The following SERPINI1 variants were observed in gnomAD, a reference collection of about 807,000 sequenced individuals.
SERPINI1 encodes the protein neuroserpin.
Under a neutral mutation model 41.1 loss-of-function variants are expected in SERPINI1, and 19 were observed. The observed-to-expected ratio is 0.46, with a 90% confidence interval of 0.32 to 0.68. The LOEUF is 0.68. Ranked by LOEUF, SERPINI1 falls within the 30% of genes least tolerant of loss-of-function variation. The probability of loss-of-function intolerance (pLI) is 0.03; values close to 1 mark genes in which losing one functional copy is unlikely to be tolerated. For synonymous variants in SERPINI1, 138 were observed against 156.6 expected (o/e 0.88, Z 0.89); for missense variants, 460 against 479.2 (o/e 0.96, Z 0.37).
chr3:167,823,704 A>C (rs897476143), intron 7 of SERPINI1, among the ~76,000 whole-genome samples: 5 of 152,150 alleles, frequency 3.3e-5, no homozygotes, highest in African/African-American at 1.2e-4. Context: ...TCTTCATTCT[A>C]TTTAACTGTA....
chr3:167,789,624 C>A (rs892835294), intron 2 of SERPINI1, among the ~76,000 whole-genome samples: 5 of 151,842 alleles, frequency 3.3e-5, no homozygotes, highest in Non-Finnish European at 5.9e-5. Context: ...TCCTTGTGAT[C>A]AAAAAAAGCA....
Position 167,765,283 on chromosome 3 carries a change from A to C in SERPINI1, c.-18-23828A>C, listed in dbSNP as rs1413300103. Among the ~76,000 whole-genome samples, 5 of 152,222 alleles carry C rather than the reference A, an allele frequency of 3.3e-5. No homozygotes were observed. In the East Asian group the frequency reaches 9.6e-4, roughly 29 times the overall value. ...CCTGGGCAATCAGGCGTTTGCATAC[A>C]TCTTCTGAAATCTAGGTGGAGGTTC... is the stretch of plus-strand genomic sequence containing the variant. On this transcript the variant is annotated intron_variant, in intron 1 of 8. Coordinates refer to ENST00000446050, the MANE Select transcript of SERPINI1 (RefSeq NM_001122752.2).
chr3:167,822,627 A>G (rs1052726199), intron 6 of SERPINI1, among the ~76,000 whole-genome samples: 15 of 152,044 alleles, frequency 9.9e-5, no homozygotes, highest in Non-Finnish European at 2.2e-4. Flanking sequence ...ACTTGTTTTC[A>G]TTTCATACTT....
chr3:167,797,493 C>G (rs1727752898), intron 5 of SERPINI1, among the ~76,000 whole-genome samples: 1 of 152,002 alleles, frequency 6.6e-6, no homozygotes, highest in African/African-American at 2.4e-5. Context: ...ACATTTAAGT[C>G]TTTAATCCAT....
chr3:167,744,677 AATAT>A (rs1233744630), intron 1 of SERPINI1, among the ~76,000 whole-genome samples: 7 of 100,354 alleles, frequency 7.0e-5, no homozygotes, highest in African/African-American at 1.1e-4. Context: ...TATATATATA[AATAT>A]ATATATAAAC....
chr3:167,736,036 G>A (rs1316794653), intron 1 of SERPINI1: 1 of 152,178 alleles, frequency 6.6e-6, no homozygotes, highest in African/African-American at 2.4e-5. Flanking sequence ...TAGTGTTTTT[G>A]GTTTGAGTTG....
intron 1 of SERPINI1, among the ~76,000 whole-genome samples, chr3:167,745,564 G>A (rs1725838362): frequency 6.6e-6 from 1 of 151,960 alleles, no homozygotes; most frequent in South Asian, 2.1e-4. Context: ...GAAGGTTCTA[G>A]CCAGGGAAAT....
chr3:167,795,303 C>T (rs1233618818), intron 5 of SERPINI1, among the ~76,000 whole-genome samples: 1 of 152,160 alleles, frequency 6.6e-6, no homozygotes, highest in Non-Finnish European at 1.5e-5. Flanking sequence ...CATAAATTAG[C>T]AGGAAGATGC....
intron 6 of SERPINI1, among the ~76,000 whole-genome samples, chr3:167,810,112 TA>T (rs1407878617): frequency 6.6e-6 from 1 of 152,162 alleles, no homozygotes; most frequent in Non-Finnish European, 1.5e-5. Flanking sequence ...GTTTTAATTA[TA>T]AAACTTGCCC....
At chr3:167,789,939 G>A (rs1182434661) in intron 2 of SERPINI1, among the ~76,000 whole-genome samples, 1 of 152,076 alleles carries the variant, frequency 6.6e-6, no homozygotes, top group Non-Finnish European at 1.5e-5. Flanking sequence ...GTGTGAATTA[G>A]CTCATTAAAA....
chr3:167,748,563 T>G (rs943589028), intron 1 of SERPINI1, among the ~76,000 whole-genome samples: 4 of 152,064 alleles, frequency 2.6e-5, no homozygotes, highest in African/African-American at 9.7e-5. Flanking sequence ...CATGCAACAT[T>G]AAAAATAAGG....
chr3:167,802,189 G>A (rs1332222569), intron 5 of SERPINI1, among the ~76,000 whole-genome samples: 3 of 152,032 alleles, frequency 2.0e-5, no homozygotes, highest in Non-Finnish European at 4.4e-5. Context: ...GAAAACCTAG[G>A]CATTACCATT....
At chr3:167,808,246 C>T (rs1256006188) in intron 6 of SERPINI1, among the ~76,000 whole-genome samples, 2 of 150,600 alleles carry the variant, frequency 1.3e-5, no homozygotes, top group East Asian at 1.9e-4. Flanking sequence ...AGAAAAAAAT[C>T]CAATTGAATT....
At chr3:167,785,183 G>A (rs1380095669) in intron 1 of SERPINI1, among the ~76,000 whole-genome samples, 2 of 152,146 alleles carry the variant, frequency 1.3e-5, no homozygotes, top group South Asian at 2.1e-4. Context: ...GGTGGAGGTT[G>A]CAGTGAGCTG....
At chr3:167,793,596 A>ATATATATAT in intron 4 of SERPINI1, among the ~76,000 whole-genome samples, 35 of 140,606 alleles carry the variant, frequency 2.5e-4, no homozygotes, top group South Asian at 8.7e-4. Context: ...ATATATATAT[A>ATATATATAT]TTTTTAATTA....
At chr3:167,825,019 C>T (rs1045873655) in intron 8 of SERPINI1, among the ~76,000 whole-genome samples, 1 of 151,154 alleles carries the variant, frequency 6.6e-6, no homozygotes, top group Non-Finnish European at 1.5e-5. Context: ...TGCACTCCAG[C>T]CTGGGCATCA....
At chr3:167,740,437 T>A (rs936726712) in intron 1 of SERPINI1, among the ~76,000 whole-genome samples, 13 of 152,370 alleles carry the variant, frequency 8.5e-5, no homozygotes, top group African/African-American at 3.1e-4. Context: ...CTGAGTTTCA[T>A]TGACGTTTGT....
At chr3:167,779,803 G>C (rs1727065677) in intron 1 of SERPINI1, among the ~76,000 whole-genome samples, 1 of 152,034 alleles carries the variant, frequency 6.6e-6, no homozygotes, top group Admixed American at 6.6e-5. Context: ...TGATTCAATA[G>C]TACAGAAAAA....
rs540779126 is a variant in SERPINI1 at position 167,776,423 on chromosome 3, G to T, written c.-18-12688G>T. The stretch of plus-strand genomic sequence containing the variant: ...GGTTTTGTTGGCATTGATTGATTTT[G>T]CTTTCCCCAGGCTTTTAACCAAAAG... On this transcript the variant is annotated intron_variant, in intron 1 of 8. Coordinates refer to ENST00000446050, the MANE Select transcript of SERPINI1 (RefSeq NM_001122752.2). Among the ~76,000 whole-genome samples the T allele has an allele frequency of 7.9e-5, 12 of 152,312 alleles. No homozygotes were observed. In the South Asian group the frequency reaches 2.5e-3, roughly 32 times the overall value.
Sources: gnomAD v4.1 joint callset for allele counts (sites outside exome capture counted in the v4.1 genomes callset) on GRCh38, gnomAD v4.1.1 for gene constraint, MANE v1.5 for transcripts, NCBI Gene and HGNC (gene_info 2026-07-23, HGNC 2026-07-21) for gene names.